BIRC6: variants seen among roughly 807,000 people sequenced by gnomAD.
BIRC6 encodes the protein dual E2 ubiquitin-conjugating enzyme/E3 ubiquitin-protein ligase BIRC6.
Under a neutral mutation model 503.3 loss-of-function variants are expected in BIRC6, and 98 were observed. That is an observed-to-expected ratio of 0.19 (90% CI 0.17 to 0.23). The LOEUF (loss-of-function observed/expected upper bound fraction) is 0.23, where lower values mean the gene tolerates loss of function less well. BIRC6 is among the 10% of genes least tolerant of loss of function. The probability of loss-of-function intolerance (pLI) is 1.00; values close to 1 mark genes in which losing one functional copy is unlikely to be tolerated. For synonymous variants in BIRC6, 2,240 were observed against 2,078.7 expected, an observed-to-expected ratio of 1.08 and a Z score of -2.11; for missense variants, 5,360 against 5,806.0, an observed-to-expected ratio of 0.92 and a Z score of 2.50.
chr2:32,411,658 G>C (rs2149942695), intron 9 of BIRC6, among the ~76,000 whole-genome samples: 1 of 151,120 alleles, frequency 6.6e-6, no homozygotes, highest in Middle Eastern at 3.4e-3. Flanking sequence ...TTGTGTTTTT[G>C]GTAGAGACGG....
At chr2:32,481,223 C>A in intron 37 of BIRC6, 97 bp from the exon 38 acceptor site, 13 of 1,061,748 alleles carry the variant, frequency 1.2e-5, no homozygotes, top group East Asian at 2.9e-5. Flanking sequence ...GCATATGTAA[C>A]ATGCAAGTAA....
intron 10 of BIRC6, among the ~76,000 whole-genome samples, chr2:32,420,885 T>G (rs552853116): frequency 1.3e-5 from 2 of 151,800 alleles, no homozygotes; most frequent in African/African-American, 4.8e-5. Flanking sequence ...GATCGATGAT[T>G]TGTATTTTTT....
In BIRC6 at chr2:32,415,784, T is replaced by A. The variant is rs751990820; in HGVS notation, c.2493T>A (p.Asn831Lys). 6.2e-7 allele frequency: 1 copy of A among 1,613,722 alleles called. No homozygotes were observed. The highest frequency in any genetic ancestry group is 1.1e-5 in the South Asian group (1 of 91,070). Reference sequence around the variant, plus strand: ...GATATTTAGTGCTTTATAAAATGAATTATGCCACTCGGATAGTGACTTTAG... The same window carrying A: ...GATATTTAGTGCTTTATAAAATGAAATATGCCACTCGGATAGTGACTTTAG... The part of the protein sequence containing the change: ...SGGYLVLYKM[N>K]YATRIVTLEE... The change falls in exon 10 of 74, where the codon AAT (asparagine) becomes AAA (lysine). Residue 831 changes from asparagine to lysine, a missense_variant. By Grantham distance (94) the Asn-to-Lys change is moderately conservative. Transcript: ENST00000421745.
intron 26 of BIRC6, among the ~76,000 whole-genome samples, 171 bp downstream of exon 26, chr2:32,465,335 T>C (rs1054434328): frequency 6.6e-6 from 1 of 151,644 alleles, no homozygotes; most frequent in Non-Finnish European, 1.5e-5. Flanking sequence ...TGTTCAAGCT[T>C]TGTGCTCACC....
intron 23 of BIRC6, among the ~76,000 whole-genome samples, chr2:32,460,077 C>T (rs994974083): frequency 4.8e-5 from 7 of 146,394 alleles, no homozygotes; most frequent in Non-Finnish European, 9.0e-5. Context: ...CTTCCTAGGT[C>T]TTCCTATATG....
At chr2:32,441,484 G>A (rs772195146) in intron 17 of BIRC6, 22 bp downstream of exon 17, 2 of 1,591,622 alleles carry the variant, frequency 1.3e-6, no homozygotes, top group Middle Eastern at 1.7e-4. Context: ...GCATTATCTT[G>A]TTATTCTTAC....
chr2:32,458,138 G>A (rs878912034), intron 23 of BIRC6, among the ~76,000 whole-genome samples: 7 of 152,016 alleles, frequency 4.6e-5, no homozygotes, highest in East Asian at 1.9e-4. Flanking sequence ...GTATTTGTTC[G>A]AAGTCATCTG....
intron 4 of BIRC6, among the ~76,000 whole-genome samples, 165 bp downstream of exon 4, chr2:32,389,108 G>C (rs928374806): frequency 3.9e-5 from 6 of 152,038 alleles, no homozygotes; most frequent in Non-Finnish European, 7.4e-5. Context: ...CTGAAAACCA[G>C]ATTTAAAGTA....
chr2:32,594,192 TTC>T, intron 67 of BIRC6, 132 bp downstream of exon 67: 5 of 1,015,108 alleles, frequency 4.9e-6, no homozygotes, highest in East Asian at 2.7e-5. Context: ...AAAAATTTTG[TTC>T]TCTGTTAGAT....
intron 54 of BIRC6, 46 bp from the exon 55 acceptor site, chr2:32,514,944 C>T (rs2054869711): frequency 7.0e-7 from 1 of 1,427,988 alleles, no homozygotes; most frequent in Admixed American, 2.0e-5. Context: ...ATAGTTTCTT[C>T]TAAAAATATA....
At chr2:32,468,361 T>G (rs2048778540) in intron 28 of BIRC6, 76 bp from the exon 29 acceptor site, 2 of 1,268,000 alleles carry the variant, frequency 1.6e-6, no homozygotes, top group South Asian at 3.0e-5. Flanking sequence ...TTTAAGAGAT[T>G]TAATTCTTAG....
At chr2:32,366,298 T>A (rs556661415) in intron 1 of BIRC6, among the ~76,000 whole-genome samples, 1 of 152,230 alleles carries the variant, frequency 6.6e-6, no homozygotes, top group African/African-American at 2.4e-5. Context: ...AACAGATTAG[T>A]TAATGCTTTT....
chr2:32,517,720 C>T (rs1572759267), intron 55 of BIRC6, among the ~76,000 whole-genome samples: 2 of 151,732 alleles, frequency 1.3e-5, no homozygotes, highest in South Asian at 4.2e-4. Flanking sequence ...ACTACTGGCA[C>T]ATGCCACCAT....
chr2:32,591,498 G>A (rs1240015272), intron 66 of BIRC6, among the ~76,000 whole-genome samples: 1 of 152,090 alleles, frequency 6.6e-6, no homozygotes, highest in African/African-American at 2.4e-5. Flanking sequence ...AGTTCCAAGG[G>A]TAATCTACAC....
At chr2:32,594,201 A>G in intron 67 of BIRC6, 141 bp downstream of exon 67, 1 of 890,170 alleles carries the variant, frequency 1.1e-6, no homozygotes, top group South Asian at 2.1e-5. Context: ...GTTCTCTGTT[A>G]GATTTTGTTC....
At chr2:32,470,889 T>C in intron 31 of BIRC6, 125 bp from the exon 32 acceptor site, 1 of 921,526 alleles carries the variant, frequency 1.1e-6, no homozygotes, top group Non-Finnish European at 1.6e-6. Flanking sequence ...ATATAAATAT[T>C]AGTGTTAGTA....
At chr2:32,555,789 A>C (rs1474128526) in intron 65 of BIRC6, among the ~76,000 whole-genome samples, 2 of 151,688 alleles carry the variant, frequency 1.3e-5, no homozygotes, top group East Asian at 3.9e-4. Context: ...CTACAAAAGA[A>C]CAAAAAATCA....
At chr2:32,491,285 T>C in intron 43 of BIRC6, 140 bp from the exon 44 acceptor site, 3 of 817,002 alleles carry the variant, frequency 3.7e-6, no homozygotes, top group Non-Finnish European at 3.7e-6. Flanking sequence ...GTCAATATAG[T>C]AGAAACTGAA....
chr2:32,433,434 G>A (rs1198335809), intron 12 of BIRC6, among the ~76,000 whole-genome samples: 2 of 152,172 alleles, frequency 1.3e-5, no homozygotes, highest in Non-Finnish European at 2.9e-5. Context: ...AAGTCTCAAG[G>A]CAGGTGTAGA....
Sources: allele counts gnomAD v4.1 joint callset (sites outside exome capture counted in the v4.1 genomes callset), GRCh38; gene constraint gnomAD v4.1.1; transcripts MANE v1.5; gene names NCBI Gene and HGNC (gene_info 2026-07-23, HGNC 2026-07-21).